LGSN: variants seen among roughly 807,000 people sequenced by gnomAD.
LGSN encodes the protein lengsin, lens protein with glutamine synthetase domain.
LGSN carries 21 observed loss-of-function variants against 19.5 expected under a neutral mutation model. That is an observed-to-expected ratio of 1.07 (90% CI 0.76 to 1.55). The LOEUF is 1.55. Ranked by LOEUF, LGSN falls within the 40% of genes most tolerant of loss-of-function variation. LGSN has a pLI of 0.00. For missense variants in LGSN, 673 were observed against 608.5 expected, an observed-to-expected ratio of 1.11 and a Z score of -1.12; for synonymous variants, 257 against 215.6, an observed-to-expected ratio of 1.19 and a Z score of -1.68.
chr6:63,450,679 G>A, the LGSN span, among the ~76,000 whole-genome samples: 12 of 144,970 alleles, frequency 8.3e-5, no homozygotes, highest in African/African-American at 2.8e-4. Flanking sequence ...GATTATAATG[G>A]TTTTTTTTTT....
the LGSN span, among the ~76,000 whole-genome samples, chr6:63,356,759 C>A: frequency 2.0e-5 from 3 of 152,006 alleles, no homozygotes; most frequent in Non-Finnish European, 4.4e-5. Flanking sequence ...GCCAAAACTG[C>A]AACATGACCA....
chr6:63,300,218 C>G (rs1768130323), intron 1 of LGSN, among the ~76,000 whole-genome samples: 1 of 152,194 alleles, frequency 6.6e-6, no homozygotes, highest in Non-Finnish European at 1.5e-5. Flanking sequence ...GCTCTGTCCT[C>G]AGTCCTTGAC....
chr6:63,402,541 G>T, the LGSN span, among the ~76,000 whole-genome samples: 1 of 152,158 alleles, frequency 6.6e-6, no homozygotes, highest in Non-Finnish European at 1.5e-5. Context: ...ACTTTGGTCA[G>T]GAAGTGGACT....
At chr6:63,339,550 C>A in the LGSN span, among the ~76,000 whole-genome samples, 1 of 152,026 alleles carries the variant, frequency 6.6e-6, no homozygotes, top group East Asian at 1.9e-4. Context: ...CCTTCGCTTT[C>A]AGTGTATGTG....
the LGSN span, among the ~76,000 whole-genome samples, chr6:63,443,009 G>A: frequency 6.6e-5 from 10 of 152,238 alleles, no homozygotes; most frequent in African/African-American, 2.4e-4. Context: ...GGCGGTGCCC[G>A]TCAGGGAGGC....
chr6:63,412,569 AGGAAGGAAG>A, the LGSN span, among the ~76,000 whole-genome samples: 1 of 126,046 alleles, frequency 7.9e-6, no homozygotes, highest in Non-Finnish European at 1.6e-5. Context: ...AAAGAAAGAA[AGGAAGGAAG>A]GAAAGAAAGA....
At chr6:63,320,064 C>T, upstream of LGSN, 4 of 769,472 alleles carry the variant, frequency 5.2e-6, no homozygotes, top group Non-Finnish European at 9.1e-6. Flanking sequence ...GAGGCTTTTC[C>T]AGAGGGGTCT....
the LGSN span, among the ~76,000 whole-genome samples, chr6:63,432,166 AAAGAAAAGGAAAG>A: frequency 2.2e-4 from 22 of 99,304 alleles, no homozygotes; most frequent in East Asian, 2.2e-3. Flanking sequence ...AGAAAGAAAG[AAAGAAAAGGAAAG>A]AAAGAAAAGA....
At chr6:63,442,053 T>G in the LGSN span, among the ~76,000 whole-genome samples, 1 of 152,276 alleles carries the variant, frequency 6.6e-6, no homozygotes, top group African/African-American at 2.4e-5. Flanking sequence ...CTCACTGACT[T>G]AAGAAGTGAG....
At chr6:63,348,336 C>T in the LGSN span, among the ~76,000 whole-genome samples, 1 of 152,050 alleles carries the variant, frequency 6.6e-6, no homozygotes, top group African/African-American at 2.4e-5. Context: ...TGCCTGTAAT[C>T]CCAGCTACTC....
At chr6:63,479,833 C>T in the LGSN span, among the ~76,000 whole-genome samples, 142,231 of 152,302 alleles carry the variant, frequency 0.93, 66,639 homozygotes, top group Non-Finnish European at 0.97. Flanking sequence ...TTTGGCCATA[C>T]TTACAAAGTC....
chr6:63,354,676 A>G, the LGSN span, among the ~76,000 whole-genome samples: 2 of 152,214 alleles, frequency 1.3e-5, no homozygotes, highest in East Asian at 1.9e-4. Flanking sequence ...TTGAAGAGAC[A>G]TCTGCGCTCA....
chr6:63,325,023 G>T, the LGSN span, among the ~76,000 whole-genome samples: 264 of 146,870 alleles, frequency 1.8e-3, 3 homozygotes, highest in Admixed American at 7.4e-3. Flanking sequence ...AGGATCTCTT[G>T]AACCTGGGAG....
At chr6:63,398,189 G>A in the LGSN span, among the ~76,000 whole-genome samples, 10 of 137,738 alleles carry the variant, frequency 7.3e-5, no homozygotes, top group African/African-American at 2.7e-4. Flanking sequence ...AATTATTTTA[G>A]AGTATACTCC....
the LGSN span, among the ~76,000 whole-genome samples, chr6:63,331,017 A>G: frequency 1.3e-5 from 2 of 152,156 alleles, no homozygotes; most frequent in African/African-American, 4.8e-5. Context: ...GGGGACAGGT[A>G]CCTGAGTTGG....
the LGSN span, among the ~76,000 whole-genome samples, chr6:63,553,648 T>C: frequency 6.6e-6 from 1 of 152,332 alleles, no homozygotes; most frequent in Middle Eastern, 3.4e-3. Context: ...AGCTTCCTGG[T>C]AAAGAATTGA....
At chr6:63,345,468 T>C in the LGSN span, among the ~76,000 whole-genome samples, 1 of 152,194 alleles carries the variant, frequency 6.6e-6, no homozygotes, top group Non-Finnish European at 1.5e-5. Context: ...TTGTAGTGTA[T>C]TCCAAAGACA....
Position 63,281,142 on chromosome 6 carries a change from T to G in LGSN, c.409A>C (p.Asn137His), listed in dbSNP as rs6454127. ...CTATTAAAACATGTGGCTCTTATGTTATTCATTTCATTGTCCTTTGGATTT... is the reference window on the plus strand; with the variant it reads ...CTATTAAAACATGTGGCTCTTATGTGATTCATTTCATTGTCCTTTGGATTT... Reference protein sequence around the residue: ...IPNPKDNEMNNIRATCFNSDI... With the variant: ...IPNPKDNEMNHIRATCFNSDI... Residue 137 changes from asparagine (N) to histidine (H), a missense_variant, in exon 4 of 4, where the codon AAC becomes CAC. Physicochemically the swap from Asn to His is moderately conservative, Grantham distance 68 (BLOSUM62 1). Transcript: ENST00000370657. 6.7e-3 allele frequency: 10,837 copies of G among 1,613,658 alleles called. 611 individuals carry two copies. In the African/African-American group the frequency reaches 0.12, roughly 19 times the overall value.
chr6:63,280,471 C>T lies in LGSN; in HGVS notation c.1080G>A (p.Ala360=), dbSNP rs61758980. The T allele has an allele frequency of 2.6e-4, 425 of 1,614,136 alleles. No homozygotes were observed. The highest frequency in any genetic ancestry group is 3.4e-4 in the Non-Finnish European group (403 of 1,180,034). ...KHSAALSCLM[A]PSVSCRKRYS... ...AACGCTTTCGGCAGCTAACAGAAGG[C>T]GCCATCAGGCAGCTGAGCGCAGCAG... is the stretch of plus-strand genomic sequence containing the variant. Residue 360 remains alanine, a synonymous_variant, in exon 4 of 4, where the codon GCG becomes GCA. Transcript: ENST00000370657.
Sources: gnomAD v4.1 joint callset for allele counts (sites outside exome capture counted in the v4.1 genomes callset) on GRCh38, gnomAD v4.1.1 for gene constraint, MANE v1.5 for transcripts, NCBI Gene and HGNC (gene_info 2026-07-23, HGNC 2026-07-21) for gene names.